Variants in SPRED2 observed in about 807,000 individuals in gnomAD.
SPRED2 encodes sprouty-related, EVH1 domain-containing protein 2.
A neutral mutation model predicts 43.0 loss-of-function variants in SPRED2; 47 were observed. The observed-to-expected ratio is 1.09, with a 90% CI of 0.87 to 1.40. The LOEUF (loss-of-function observed/expected upper bound fraction) is 1.40. Among genes scored for constraint, SPRED2 ranks in the 40% most tolerant of loss-of-function variants. The pLI is 0.00. For synonymous variants in SPRED2, 225 were observed against 225.7 expected (o/e 1.00, Z 0.03); for missense variants, 561 against 586.4 (o/e 0.96, Z 0.45).
At chr2:65,396,234 C>T (rs1675754061) in intron 1 of SPRED2, among the ~76,000 whole-genome samples, 1 of 152,162 alleles carries the variant, frequency 6.6e-6, no homozygotes, top group Admixed American at 6.5e-5. Flanking sequence ...AACTTTTGTG[C>T]TATATCTCTG....
chr2:65,316,535 C>T (rs370199244), intron 5 of SPRED2, among the ~76,000 whole-genome samples, 199 bp downstream of exon 5: 65 of 152,294 alleles, frequency 4.3e-4, no homozygotes, highest in African/African-American at 1.3e-3. Flanking sequence ...AAGGGTCTGG[C>T]AAGGTGTCTG....
chr2:65,357,705 T>C (rs1373920698), intron 1 of SPRED2, among the ~76,000 whole-genome samples: 2 of 152,192 alleles, frequency 1.3e-5, no homozygotes, highest in African/African-American at 2.4e-5. Flanking sequence ...CACAGCTACA[T>C]GAAAAAATCA....
intron 4 of SPRED2, among the ~76,000 whole-genome samples, chr2:65,324,833 C>T (rs776945392): frequency 3.9e-5 from 6 of 152,130 alleles, no homozygotes; most frequent in Admixed American, 2.0e-4. Context: ...GTCTTCAGGA[C>T]GAGCCGGACA....
chr2:65,353,698 T>C (rs1197295584), intron 1 of SPRED2, among the ~76,000 whole-genome samples: 2 of 152,186 alleles, frequency 1.3e-5, no homozygotes, highest in Non-Finnish European at 2.9e-5. Flanking sequence ...CTCTATACTT[T>C]CCTTTAAACC....
downstream of SPRED2, among the ~76,000 whole-genome samples, chr2:65,309,398 CGAG>C: frequency 1.3e-5 from 2 of 148,650 alleles, no homozygotes; most frequent in South Asian, 4.3e-4. Flanking sequence ...CCTAGCTACT[CGAG>C]GGGATAAGGT....
chr2:65,396,313 T>C (rs1293615751), intron 1 of SPRED2, among the ~76,000 whole-genome samples: 2 of 152,232 alleles, frequency 1.3e-5, no homozygotes, highest in African/African-American at 4.8e-5. Context: ...ACCTTCTCCA[T>C]GTGGGTTTAC....
chr2:65,424,786 T>C (rs1003689819), intron 1 of SPRED2, among the ~76,000 whole-genome samples: 4 of 152,036 alleles, frequency 2.6e-5, no homozygotes, highest in African/African-American at 7.3e-5. Flanking sequence ...ACCTCACCTC[T>C]ACTAAAAATT....
At chr2:65,308,424 A>C, downstream of SPRED2, 2 of 985,466 alleles carry the variant, frequency 2.0e-6, no homozygotes, top group Non-Finnish European at 1.2e-6. Context: ...AAGAAACTGA[A>C]ATCAAATTCA....
intron 1 of SPRED2, among the ~76,000 whole-genome samples, chr2:65,398,736 G>A (rs923008340): frequency 7.9e-5 from 12 of 152,194 alleles, no homozygotes; most frequent in Non-Finnish European, 1.2e-4. Flanking sequence ...TGGTGTGGAT[G>A]TGCTGAAAAG....
intron 1 of SPRED2, chr2:65,378,074 T>A (rs1675287371): frequency 1.1e-5 from 2 of 188,602 alleles, no homozygotes; most frequent in African/African-American, 4.7e-5. Flanking sequence ...CCAGTAAACA[T>A]CAGCTGAGCC....
Position 65,313,429 on chromosome 2 carries a change from GAGA to G in SPRED2, c.*69_*71del, listed in dbSNP as rs780825325. On this transcript the variant is annotated 3_prime_UTR_variant, in exon 6 of 6. Transcript: ENST00000356388. ...CTCCTTGGAGTGGAAGGGAGCGGGG[GAGA>G]AGATGAGAGTATGTAAGAGACGAGT... The G allele has an allele frequency of 1.3e-5, 20 of 1,528,232 alleles. No homozygotes were observed. Among genetic ancestry groups the G allele is most frequent in the Non-Finnish European group, 1.7e-5 (19 of 1,141,660 alleles). 94.7% of individuals were successfully genotyped at this position (1,528,232 alleles called of 1,614,324 possible).
intron 1 of SPRED2, among the ~76,000 whole-genome samples, chr2:65,384,191 A>C: frequency 6.6e-6 from 1 of 150,640 alleles, no homozygotes; most frequent in East Asian, 1.9e-4. Context: ...TGGGAACTGC[A>C]GCTCTCGGTG....
chr2:65,378,545 G>A (rs1371848334), intron 1 of SPRED2, among the ~76,000 whole-genome samples: 1 of 152,116 alleles, frequency 6.6e-6, no homozygotes, highest in Non-Finnish European at 1.5e-5. Context: ...AATGTTTCAC[G>A]GTAAAAAGGA....
At chr2:65,346,364 A>G (rs1674351823) in intron 1 of SPRED2, among the ~76,000 whole-genome samples, 1 of 151,996 alleles carries the variant, frequency 6.6e-6, no homozygotes, top group African/African-American at 2.4e-5. Context: ...TGAATGGCAT[A>G]AAATTTCCCG....
intron 4 of SPRED2, among the ~76,000 whole-genome samples, chr2:65,317,651 A>G (rs1673283270): frequency 6.6e-6 from 1 of 152,198 alleles, no homozygotes; most frequent in South Asian, 2.1e-4. Context: ...ACAGGCAAAA[A>G]TGAAACCCAC....
At chr2:65,351,295 C>A (rs1169238171) in intron 1 of SPRED2, among the ~76,000 whole-genome samples, 2 of 152,206 alleles carry the variant, frequency 1.3e-5, no homozygotes, top group African/African-American at 4.8e-5. Flanking sequence ...GAAAATAATG[C>A]TGTCCGCCAT....
At chr2:65,404,886 C>T (rs570286017) in intron 1 of SPRED2, among the ~76,000 whole-genome samples, 1 of 152,336 alleles carries the variant, frequency 6.6e-6, no homozygotes, top group Admixed American at 6.5e-5. Flanking sequence ...ACAGCACACC[C>T]CTGGGCCCTT....
intron 1 of SPRED2, among the ~76,000 whole-genome samples, chr2:65,363,341 A>G (rs530814304): frequency 6.6e-6 from 1 of 152,262 alleles, no homozygotes; most frequent in African/African-American, 2.4e-5. Flanking sequence ...TGACGCAACA[A>G]GCTGTCAGCA....
At position 65,332,066 on chromosome 2, in the gene SPRED2, A is replaced by G; in HGVS notation, c.374-15T>C. The G allele has an allele frequency of 6.3e-7, 1 of 1,582,316 alleles. No individual in the cohort carries two copies. The highest frequency in any genetic ancestry group is 8.6e-7 in the Non-Finnish European group (1 of 1,156,096). The stretch of plus-strand genomic sequence containing the variant: ...CGTTGTTGAACCTAAAAAGACAAAA[A>G]TGTAATAAAAAGTGTTTCCCAAGAG... On this transcript the variant is annotated splice_polypyrimidine_tract_variant and intron_variant, in intron 3 of 5. Transcript: ENST00000356388.
Sources: gnomAD v4.1 joint callset for allele counts (sites outside exome capture counted in the v4.1 genomes callset) on GRCh38, gnomAD v4.1.1 for gene constraint, MANE v1.5 for transcripts, NCBI Gene and HGNC (gene_info 2026-07-23, HGNC 2026-07-21) for gene names.